Variants in CTNNA3 observed in about 807,000 individuals in gnomAD.
CTNNA3 encodes the protein catenin alpha-3.
Under a neutral mutation model 95.7 loss-of-function variants are expected in CTNNA3, and 76 were observed. That is an observed-to-expected ratio of 0.79 (90% confidence interval 0.66 to 0.96). The LOEUF (loss-of-function observed/expected upper bound fraction) is 0.96. Among genes scored for constraint, CTNNA3 ranks in the 40% least tolerant of loss-of-function variants. The pLI is 0.00. For synonymous variants in CTNNA3, 431 were observed against 374.4 expected (o/e 1.15, Z -1.74); for missense variants, 1,191 against 1,089.8 (o/e 1.09, Z -1.31).
At chr10:67,459,276 G>A (rs781277092) in intron 5 of CTNNA3, among the ~76,000 whole-genome samples, 105 of 152,174 alleles carry the variant, frequency 6.9e-4, no homozygotes, top group Non-Finnish European at 1.0e-3. Context: ...AACTTCTCAT[G>A]TAATCAGAAA....
intron 4 of CTNNA3, among the ~76,000 whole-genome samples, chr10:67,522,167 C>T (rs1324341950): frequency 6.6e-6 from 1 of 152,120 alleles, no homozygotes; most frequent in Non-Finnish European, 1.5e-5. Context: ...ACCAACATTA[C>T]TGCATGCATG....
chr10:67,573,298 T>TA (rs892649779), intron 3 of CTNNA3, among the ~76,000 whole-genome samples: 7 of 152,018 alleles, frequency 4.6e-5, no homozygotes, highest in Admixed American at 4.6e-4. Context: ...AAACCAGAGA[T>TA]AAAATTTGCT....
intron 1 of CTNNA3, among the ~76,000 whole-genome samples, chr10:67,741,202 T>A (rs187884954): frequency 2.2e-4 from 33 of 150,872 alleles, no homozygotes; most frequent in African/African-American, 8.0e-4. Flanking sequence ...GAGATATACC[T>A]AATGCTAGAT....
rs187924737 is a variant in CTNNA3 at position 66,153,980 on chromosome 10, C to A, written c.1885-50731G>T. ...GAAACTTACTCCTTACTCTATCATA[C>A]CAGAAATGGAACTTTTAGTAATTAA... On this transcript the variant is annotated intron_variant, in intron 13 of 17. Coordinates refer to ENST00000433211, the MANE Select transcript of CTNNA3 (RefSeq NM_013266.4). 2.6e-5 allele frequency among the ~76,000 whole-genome samples: 4 copies of A among 151,700 alleles called. No individual in the cohort carries two copies. In the East Asian group the frequency reaches 7.8e-4, roughly 29 times the overall value.
chr10:66,766,260 T>C lies in CTNNA3; in HGVS notation c.1281+4A>G, dbSNP rs1364739747. 9.5e-5 allele frequency: 154 copies of C among 1,613,318 alleles called. No homozygotes were observed. Among genetic ancestry groups the C allele is most frequent in the Non-Finnish European group, 1.1e-4 (128 of 1,179,552 alleles). On this transcript the variant is annotated splice_donor_region_variant and intron_variant, in intron 9 of 17. Coordinates refer to ENST00000433211, the MANE Select transcript of CTNNA3 (RefSeq NM_013266.4). ...TTAGTGAGTTACAGTTCTAGCATGC[T>C]TACCTCTACAAGCCTGCTGGTGTGT...
At chr10:66,542,200 C>G (rs1841878449) in intron 10 of CTNNA3, among the ~76,000 whole-genome samples, 1 of 152,146 alleles carries the variant, frequency 6.6e-6, no homozygotes, top group African/African-American at 2.4e-5. Flanking sequence ...TACCATCTCA[C>G]ACCAGTTAGA....
At chr10:66,259,510 T>G (rs72799128) in intron 13 of CTNNA3, among the ~76,000 whole-genome samples, 6,996 of 152,176 alleles carry the variant, frequency 0.046, 277 homozygotes, top group African/African-American at 0.11. Flanking sequence ...GCAAAACTTC[T>G]TATCTGAGGA....
intron 7 of CTNNA3, among the ~76,000 whole-genome samples, chr10:66,938,664 T>C (rs1050252140): frequency 6.6e-6 from 1 of 152,110 alleles, no homozygotes; most frequent in Non-Finnish European, 1.5e-5. Flanking sequence ...GTCCAAAGGT[T>C]AATCGTATTC....
rs188439795 is a variant in CTNNA3 at position 67,570,558 on chromosome 10, A to G, written c.293-30889T>C. On this transcript the variant is annotated intron_variant, in intron 3 of 17. Transcript: ENST00000433211. ...TTCATTTCTTCCCCAGTGAGTAGTG[A>G]CACATACTGTGGACAACATTACTGC... is the stretch of plus-strand genomic sequence containing the variant. 1.6e-4 allele frequency among the ~76,000 whole-genome samples: 24 copies of G among 152,244 alleles called. No individual in the cohort carries two copies. The East Asian group carries it at 4.3e-3, about 27-fold the overall frequency.
intron 9 of CTNNA3, among the ~76,000 whole-genome samples, chr10:66,726,718 TA>T (rs1848792533): frequency 6.6e-6 from 1 of 152,108 alleles, no homozygotes; most frequent in African/African-American, 2.4e-5. Context: ...ACTTTAAACA[TA>T]GAGTAACTGA....
At chr10:67,061,996 C>T (rs1855783785) in intron 7 of CTNNA3, among the ~76,000 whole-genome samples, 1 of 152,048 alleles carries the variant, frequency 6.6e-6, no homozygotes, top group Non-Finnish European at 1.5e-5. Flanking sequence ...ATTTTTCAAC[C>T]TACTTCCCCA....
chr10:66,627,288 T>C (rs1489126798), intron 9 of CTNNA3, among the ~76,000 whole-genome samples: 2 of 152,162 alleles, frequency 1.3e-5, no homozygotes, highest in Non-Finnish European at 2.9e-5. Context: ...GTTCTTTTTC[T>C]AACCTAGTGG....
At chr10:67,027,548 C>A (rs1199230820) in intron 7 of CTNNA3, among the ~76,000 whole-genome samples, 1 of 150,980 alleles carries the variant, frequency 6.6e-6, no homozygotes, top group Non-Finnish European at 1.5e-5. Flanking sequence ...GATTCTCCTG[C>A]CTCAGCCTTC....
chr10:66,888,201 T>C (rs540634316), intron 7 of CTNNA3, among the ~76,000 whole-genome samples: 2 of 152,190 alleles, frequency 1.3e-5, no homozygotes, highest in Admixed American at 1.3e-4. Context: ...GTGCAAGGAC[T>C]AGATAAAGGC....
At chr10:66,968,352 A>G (rs1034693006) in intron 7 of CTNNA3, among the ~76,000 whole-genome samples, 2 of 149,880 alleles carry the variant, frequency 1.3e-5, no homozygotes, top group African/African-American at 4.9e-5. Flanking sequence ...AATATTATAT[A>G]TATATATAAA....
chr10:66,027,404 TCAA>T (rs944240710), intron 15 of CTNNA3, among the ~76,000 whole-genome samples: 1 of 152,164 alleles, frequency 6.6e-6, no homozygotes, highest in Non-Finnish European at 1.5e-5. Context: ...GTAATCATCA[TCAA>T]CAACAACTAA....
intron 11 of CTNNA3, among the ~76,000 whole-genome samples, chr10:66,478,240 A>G (rs1370149418): frequency 6.6e-6 from 1 of 152,076 alleles, no homozygotes; most frequent in Non-Finnish European, 1.5e-5. Context: ...AATGGACCTG[A>G]ATCTTAAATT....
chr10:67,532,068 T>C (rs1044886131), intron 4 of CTNNA3, among the ~76,000 whole-genome samples: 3 of 152,198 alleles, frequency 2.0e-5, no homozygotes, highest in African/African-American at 4.8e-5. Flanking sequence ...TGTAAGTCCA[T>C]TAAACCTCTT....
chr10:67,168,320 G>A (rs1434874364), intron 7 of CTNNA3, among the ~76,000 whole-genome samples: 1 of 151,882 alleles, frequency 6.6e-6, no homozygotes, highest in African/African-American at 2.4e-5. Context: ...ACCTAGCAGA[G>A]ACACAACAAA....
Sources: allele counts gnomAD v4.1 joint callset (sites outside exome capture counted in the v4.1 genomes callset), GRCh38; gene constraint gnomAD v4.1.1; transcripts MANE v1.5; gene names NCBI Gene and HGNC (gene_info 2026-07-23, HGNC 2026-07-21).